Variants in CNGA3 observed in about 807,000 individuals in gnomAD.
CNGA3 encodes the protein cyclic nucleotide gated channel subunit alpha 3, also known as cyclic nucleotide-gated channel alpha-3.
In CNGA3, 42 loss-of-function variants were observed where a neutral mutation model predicts 46.6. The observed-to-expected ratio is 0.90, with a 90% CI of 0.70 to 1.17. The LOEUF (loss-of-function observed/expected upper bound fraction) is 1.17. CNGA3 is among the 50% of genes most tolerant of loss of function. The pLI is 0.00. For synonymous variants in CNGA3, 394 were observed against 369.4 expected (o/e 1.07, Z -0.76); for missense variants, 893 against 890.7 (o/e 1.00, Z -0.03).
At chr2:98,363,088 T>C (rs1266133423) in intron 1 of CNGA3, among the ~76,000 whole-genome samples, 3 of 152,252 alleles carry the variant, frequency 2.0e-5, no homozygotes, top group East Asian at 1.9e-4. Context: ...GGTACCATGA[T>C]GCCTCCAGCT....
chr2:98,384,364 C>G (rs1558814737), intron 5 of CNGA3, among the ~76,000 whole-genome samples: 2 of 152,128 alleles, frequency 1.3e-5, no homozygotes, highest in Admixed American at 6.5e-5. Context: ...TGGCACTATT[C>G]AGGAGGGGAA....
intron 1 of CNGA3, among the ~76,000 whole-genome samples, chr2:98,354,754 T>C (rs902361262): frequency 1.3e-5 from 2 of 152,180 alleles, no homozygotes; most frequent in Admixed American, 1.3e-4. Context: ...CACTGTGCTG[T>C]AGCCTGGGTG....
At chr2:98,379,603 G>A (rs930270350) in intron 3 of CNGA3, among the ~76,000 whole-genome samples, 18 of 152,328 alleles carry the variant, frequency 1.2e-4, no homozygotes, top group African/African-American at 4.3e-4. Flanking sequence ...GAACCTCCCA[G>A]GCCTGGGGAG....
Position 98,379,372 on chromosome 2 carries a change from C to T in CNGA3, c.216-803C>T, listed in dbSNP as rs1692487088. Among the ~76,000 whole-genome samples the T allele has an allele frequency of 2.0e-5, 3 of 152,308 alleles. No homozygotes were observed. In the South Asian group the frequency reaches 6.2e-4, roughly 32 times the overall value. On this transcript the variant is annotated intron_variant, in intron 3 of 7. Transcript: ENST00000272602. ...ACTGCAGATGCCAAATCAGGGAAACCAGAAGCCAAGAAACAGAATGGAGTC... is the reference window on the plus strand; with the variant it reads ...ACTGCAGATGCCAAATCAGGGAAACTAGAAGCCAAGAAACAGAATGGAGTC...
intron 5 of CNGA3, among the ~76,000 whole-genome samples, chr2:98,387,212 G>C (rs531974426): frequency 6.6e-6 from 1 of 152,210 alleles, no homozygotes; most frequent in Non-Finnish European, 1.5e-5. Flanking sequence ...CTGCATGGTC[G>C]TGTGATTCGG....
At chr2:98,378,351 A>G (rs1692460737) in intron 3 of CNGA3, 2 of 991,238 alleles carry the variant, frequency 2.0e-6, no homozygotes, top group East Asian at 5.4e-5. Context: ...ACCTTTTCAA[A>G]TCTCATCTAG....
At chr2:98,388,910 A>G (rs1444854548) in intron 5 of CNGA3, among the ~76,000 whole-genome samples, 5 of 152,254 alleles carry the variant, frequency 3.3e-5, no homozygotes, top group Non-Finnish European at 7.3e-5. Context: ...GGCCTGGGCC[A>G]GCGTGGGTCG....
intron 4 of CNGA3, among the ~76,000 whole-genome samples, chr2:98,382,277 T>A (rs1692556317): frequency 6.6e-6 from 1 of 152,210 alleles, no homozygotes; most frequent in Admixed American, 6.5e-5. Context: ...AGTTCTCCTG[T>A]GTGGGCTTGG....
chr2:98,368,516 A>G (rs1452739938), intron 1 of CNGA3, among the ~76,000 whole-genome samples: 1 of 152,204 alleles, frequency 6.6e-6, no homozygotes, highest in African/African-American at 2.4e-5. Flanking sequence ...CTTTCTTTTC[A>G]ATCACAGGGG....
At chr2:98,387,643 T>C (rs7604711) in intron 5 of CNGA3, among the ~76,000 whole-genome samples, 10,043 of 152,164 alleles carry the variant, frequency 0.066, 992 homozygotes, top group African/African-American at 0.21. Context: ...GCCTGAACCG[T>C]CTCGCAGCCC....
In CNGA3 at chr2:98,346,463, C is replaced by A. The variant is rs980650319; in HGVS notation, c.-109C>A. On this transcript the variant is annotated 5_prime_UTR_variant, in exon 1 of 8. Transcript: ENST00000272602. ...GCGGGGGAGGGAGCGAGCGGAACTG[C>A]GCCTAGGAGGCCGAGGGAGGAGGCG... 4.0e-5 allele frequency: 16 copies of A among 398,490 alleles called. 1 individual carries two copies. Among genetic ancestry groups the A allele is most frequent in the Middle Eastern group, 6.2e-4 (1 of 1,614 alleles). The allele number at this position is 398,490 out of a possible 1,614,324, so 24.7% of individuals were successfully genotyped here.
chr2:98,376,142 G>A (rs1183889714), intron 2 of CNGA3, among the ~76,000 whole-genome samples: 1 of 152,166 alleles, frequency 6.6e-6, no homozygotes, highest in Non-Finnish European at 1.5e-5. Flanking sequence ...GCATACACAA[G>A]CCGGGGTCCT....
chr2:98,377,420 C>T, intron 2 of CNGA3: 1 of 444,672 alleles, frequency 2.2e-6, no homozygotes, highest in South Asian at 2.3e-5. Context: ...TGATGAGGGC[C>T]AGGCCAGCAT....
chr2:98,362,499 G>GT (rs892748688), intron 1 of CNGA3, among the ~76,000 whole-genome samples: 43 of 148,954 alleles, frequency 2.9e-4, no homozygotes, highest in African/African-American at 5.2e-4. Flanking sequence ...TTTTAATGTT[G>GT]TTTTTTTTTT....
At chr2:98,380,145 C>T (rs374392439) in intron 3 of CNGA3, 30 bp from the exon 4 acceptor site, 1 of 1,613,160 alleles carries the variant, frequency 6.2e-7, no homozygotes, top group East Asian at 2.2e-5. Context: ...TTTCCTCTCC[C>T]TCTGGCTCAG....
At chr2:98,376,076 G>A (rs540345592) in intron 2 of CNGA3, among the ~76,000 whole-genome samples, 28 of 152,184 alleles carry the variant, frequency 1.8e-4, no homozygotes, top group African/African-American at 5.5e-4. Context: ...CCAAAACATC[G>A]AGTTACTCAG....
In CNGA3 at chr2:98,378,030, A is replaced by G. The variant is rs372711725; in HGVS notation, c.215+230A>G. ...CTGCCTTTATCTGAAATTGCTTAAT[A>G]AAAGCTGACATTGAGGTACTTGCTC... is the stretch of plus-strand genomic sequence containing the variant. On this transcript the variant is annotated intron_variant, in intron 3 of 7. Coordinates refer to ENST00000272602, the MANE Select transcript of CNGA3 (RefSeq NM_001298.3). The G allele has an allele frequency of 3.2e-4, 489 of 1,546,192 alleles. 1 individual carries two copies. In the African/African-American group the frequency reaches 6.1e-3, roughly 19 times the overall value.
chr2:98,372,052 A>G (rs1369534263), intron 2 of CNGA3, among the ~76,000 whole-genome samples: 1 of 152,184 alleles, frequency 6.6e-6, no homozygotes, highest in African/African-American at 2.4e-5. Context: ...AAAGGCAGAG[A>G]AGGCAGTAGT....
In CNGA3 at chr2:98,367,183, TTC is replaced by T. The variant is rs1491078575; in HGVS notation, c.-37-2754_-37-2753del. Among the ~76,000 whole-genome samples, 51 of 127,356 alleles carry T rather than the reference TTC, an allele frequency of 4.0e-4. 2 individuals are homozygous for T. The highest frequency in any genetic ancestry group is 7.2e-4 in the South Asian group (3 of 4,186). The allele number at this position is 127,356 out of a possible 152,430, so 83.6% of individuals were successfully genotyped here. Reference sequence around the variant, plus strand: ...ACATCAGCTGTTTTTTTTCTTTTTTTTCTTTTTTTTTTTTTTTTATTGAGACA... The same window carrying T: ...ACATCAGCTGTTTTTTTTCTTTTTTTTTTTTTTTTTTTTTTTATTGAGACA... On this transcript the variant is annotated intron_variant, in intron 1 of 7. Transcript: ENST00000272602.
Sources: gnomAD v4.1 joint callset for allele counts (sites outside exome capture counted in the v4.1 genomes callset) on GRCh38, gnomAD v4.1.1 for gene constraint, MANE v1.5 for transcripts, NCBI Gene and HGNC (gene_info 2026-07-23, HGNC 2026-07-21) for gene names.